EGFLAM: variants seen among roughly 807,000 people sequenced by gnomAD.
EGFLAM encodes EGF like, fibronectin type III and laminin G domains, also known as pikachurin.
Under a neutral mutation model 113.1 loss-of-function variants are expected in EGFLAM, and 79 were observed. That is an observed-to-expected ratio of 0.70 (90% CI 0.58 to 0.84). EGFLAM has a LOEUF of 0.84. Among genes scored for constraint, EGFLAM ranks in the 40% least tolerant of loss-of-function variants. EGFLAM has a pLI of 0.00. For synonymous variants in EGFLAM, 504 were observed against 487.6 expected, an observed-to-expected ratio of 1.03 and a Z score of -0.44; for missense variants, 1,265 against 1,291.6, an observed-to-expected ratio of 0.98 and a Z score of 0.32.
chr5:38,355,492 T>A (rs1408121860), intron 5 of EGFLAM, among the ~76,000 whole-genome samples: 1 of 152,056 alleles, frequency 6.6e-6, no homozygotes, highest in Non-Finnish European at 1.5e-5. Context: ...GGAGGTGAAA[T>A]GGCCCCAGAG....
At chr5:38,292,645 G>A (rs574174300) in intron 1 of EGFLAM, among the ~76,000 whole-genome samples, 53 of 152,294 alleles carry the variant, frequency 3.5e-4, no homozygotes, top group African/African-American at 1.3e-3. Context: ...TGTACACATA[G>A]AGGCAATTTA....
chr5:38,265,524 C>T (rs1033032048), intron 1 of EGFLAM, among the ~76,000 whole-genome samples: 6 of 152,084 alleles, frequency 3.9e-5, no homozygotes, highest in Admixed American at 1.3e-4. Context: ...TTTCAGTTAT[C>T]GAAAAAGGGA....
intron 6 of EGFLAM, among the ~76,000 whole-genome samples, chr5:38,379,360 G>A (rs940626675): frequency 6.6e-6 from 1 of 152,036 alleles, no homozygotes; most frequent in Admixed American, 6.6e-5. Flanking sequence ...GAAGCTTATA[G>A]ACAGGGGAGG....
At chr5:38,356,314 C>A (rs1197927256) in intron 5 of EGFLAM, among the ~76,000 whole-genome samples, 1 of 152,186 alleles carries the variant, frequency 6.6e-6, no homozygotes, top group East Asian at 1.9e-4. Context: ...TCTCAGAACC[C>A]CTATTTCCTC....
intron 5 of EGFLAM, among the ~76,000 whole-genome samples, chr5:38,361,021 A>T (rs1739906739): frequency 1.4e-5 from 2 of 138,198 alleles, no homozygotes; most frequent in Non-Finnish European, 3.1e-5. Context: ...CGCCCAGCTA[A>T]TTTTTTTTTT....
rs1741613634 is a variant in EGFLAM at position 38,415,504 on chromosome 5, T to C, written c.1495-2562T>C. 3.3e-5 allele frequency among the ~76,000 whole-genome samples: 5 copies of C among 152,142 alleles called. No individual in the cohort carries two copies. In the South Asian group the frequency reaches 1.0e-3, roughly 32 times the overall value. On this transcript the variant is annotated intron_variant, in intron 11 of 21. Transcript: ENST00000322350. The stretch of plus-strand genomic sequence containing the variant: ...GCCTAGGCAACATGGTGAAGCCCCA[T>C]CTCTACCAAAAACAGAAAAATTAGC...
chr5:38,425,168 T>G, intron 13 of EGFLAM, 76 bp downstream of exon 13: 1 of 1,536,244 alleles, frequency 6.5e-7, no homozygotes, highest in Non-Finnish European at 8.8e-7. Context: ...ATCAATATAG[T>G]TTCTTTGTTA....
chr5:38,462,928 T>C lies in EGFLAM; in HGVS notation c.2792T>C (p.Ile931Thr). 1 of 1,614,200 alleles carries C rather than the reference T, an allele frequency of 6.2e-7. No individual in the cohort carries two copies. The highest frequency in any genetic ancestry group is 8.5e-7 in the Non-Finnish European group (1 of 1,180,034). The change falls in exon 21 of 22, where the codon ATA becomes ACA. Residue 931 changes from isoleucine to threonine, a missense_variant. Ile to Thr is a moderately conservative substitution (Grantham distance 89, BLOSUM62 -1). Coordinates refer to ENST00000322350, the MANE Select transcript of EGFLAM (RefSeq NM_152403.4). ...KAVRDGQSGK[I>T]TVDDYGARTG... is the part of the protein sequence containing the mutation. ...TGCAGGGATGGCCAGTCAGGAAAGA[T>C]AACCGTGGATGACTATGGAGCCAGA...
chr5:38,377,604 G>A (rs1379139483), intron 6 of EGFLAM, among the ~76,000 whole-genome samples: 66 of 152,240 alleles, frequency 4.3e-4, no homozygotes, highest in Non-Finnish European at 5.9e-5. Context: ...TCAAAGACAA[G>A]ATGAAAGGAA....
At chr5:38,430,324 T>G (rs945151798) in intron 14 of EGFLAM, among the ~76,000 whole-genome samples, 3 of 152,218 alleles carry the variant, frequency 2.0e-5, no homozygotes, top group African/African-American at 7.2e-5. Context: ...TGACCATATT[T>G]TATCTTCATG....
intron 5 of EGFLAM, among the ~76,000 whole-genome samples, chr5:38,358,713 A>C (rs1293230228): frequency 6.6e-6 from 1 of 152,118 alleles, no homozygotes; most frequent in East Asian, 1.9e-4. Context: ...GACCAGGCAG[A>C]ATAAAAGCTT....
At chr5:38,435,066 G>A in intron 15 of EGFLAM, 71 bp from the exon 16 acceptor site, 6 of 1,343,472 alleles carry the variant, frequency 4.5e-6, no homozygotes, top group Non-Finnish European at 6.4e-6. Context: ...ACAGGGAACT[G>A]AAGACACATT....
intron 1 of EGFLAM, among the ~76,000 whole-genome samples, chr5:38,280,369 T>C (rs963975827): frequency 2.0e-5 from 3 of 152,222 alleles, no homozygotes; most frequent in Non-Finnish European, 4.4e-5. Flanking sequence ...CTCAGTGTTC[T>C]ATGGGGCCTG....
chr5:38,305,429 C>T (rs1758697452), intron 1 of EGFLAM: 1 of 453,726 alleles, frequency 2.2e-6, no homozygotes, highest in South Asian at 1.6e-5. Context: ...CATCTTTTCT[C>T]AGGAAGGTGT....
intron 19 of EGFLAM, among the ~76,000 whole-genome samples, chr5:38,455,533 C>G (rs1743058715): frequency 6.6e-6 from 1 of 152,162 alleles, no homozygotes; most frequent in Non-Finnish European, 1.5e-5. Flanking sequence ...CAAAAATGCT[C>G]CCTCATTCTT....
chr5:38,405,530 A>G (rs965437419), intron 6 of EGFLAM, among the ~76,000 whole-genome samples: 4 of 152,124 alleles, frequency 2.6e-5, no homozygotes, highest in African/African-American at 9.7e-5. Flanking sequence ...CCTTTCCCCT[A>G]CTATATGGTA....
At chr5:38,462,827 T>G in intron 20 of EGFLAM, 81 bp from the exon 21 acceptor site, 2 of 1,450,492 alleles carry the variant, frequency 1.4e-6, no homozygotes, top group Non-Finnish European at 1.9e-6. Flanking sequence ...CTTTAATACA[T>G]TTGTATTGAA....
intron 21 of EGFLAM, 76 bp from the exon 22 acceptor site, chr5:38,463,756 C>T: frequency 2.5e-6 from 4 of 1,574,936 alleles, no homozygotes; most frequent in Non-Finnish European, 3.5e-6. Context: ...TTCAAGTGCC[C>T]CAAACTGGAA....
chr5:38,352,581 A>G (rs1184150329), intron 5 of EGFLAM, among the ~76,000 whole-genome samples: 8 of 149,506 alleles, frequency 5.4e-5, no homozygotes, highest in Non-Finnish European at 1.2e-4. Context: ...CAGGAGGTGG[A>G]GGTTGCAGTG....
Sources: gnomAD v4.1 joint callset for allele counts (sites outside exome capture counted in the v4.1 genomes callset) on GRCh38, gnomAD v4.1.1 for gene constraint, MANE v1.5 for transcripts, NCBI Gene and HGNC (gene_info 2026-07-23, HGNC 2026-07-21) for gene names.